The following DYNC1I1 variants were observed in gnomAD, a reference collection of about 807,000 sequenced individuals.
DYNC1I1 encodes the protein dynein cytoplasmic 1 intermediate chain 1, also known as cytoplasmic dynein 1 intermediate chain 1.
In DYNC1I1, 43 loss-of-function variants were observed where a neutral mutation model predicts 86.6. That is an observed-to-expected ratio of 0.50 (90% CI 0.39 to 0.64). DYNC1I1 has a LOEUF of 0.64. Among genes scored for constraint, DYNC1I1 ranks in the 30% least tolerant of loss-of-function variants. The probability of loss-of-function intolerance (pLI) is 0.00; values close to 1 mark genes in which losing one functional copy is unlikely to be tolerated. For synonymous variants in DYNC1I1, 262 were observed against 283.7 expected (o/e 0.92, Z 0.77); for missense variants, 604 against 788.8 (o/e 0.77, Z 2.81).
intron 10 of DYNC1I1, among the ~76,000 whole-genome samples, chr7:95,997,770 A>G (rs557201332): frequency 6.6e-6 from 1 of 152,290 alleles, no homozygotes; most frequent in South Asian, 2.1e-4. Context: ...GTAACAAGAT[A>G]GTCATACCAG....
At chr7:95,875,538 G>A (rs1383630628) in intron 6 of DYNC1I1, among the ~76,000 whole-genome samples, 2 of 152,120 alleles carry the variant, frequency 1.3e-5, no homozygotes, top group Non-Finnish European at 2.9e-5. Context: ...GGGTAGAAAT[G>A]CCCAAATTCA....
At chr7:96,100,657 T>TGTGTGTGTGC (rs1791121102), downstream of DYNC1I1, among the ~76,000 whole-genome samples, 1 of 150,754 alleles carries the variant, frequency 6.6e-6, no homozygotes, top group Non-Finnish European at 1.5e-5. Context: ...GTTTTGTGTG[T>TGTGTGTGTGC]GTGTGTGTGT....
chr7:95,951,089 A>G (rs956897766), intron 6 of DYNC1I1, among the ~76,000 whole-genome samples: 3 of 152,156 alleles, frequency 2.0e-5, no homozygotes, highest in Admixed American at 2.0e-4. Flanking sequence ...TCTTTTTACT[A>G]TTATCATTAT....
At chr7:96,066,612 T>C (rs1015997461) in intron 14 of DYNC1I1, among the ~76,000 whole-genome samples, 1 of 152,234 alleles carries the variant, frequency 6.6e-6, no homozygotes, top group African/African-American at 2.4e-5. Context: ...GTCTTAGTTA[T>C]CAGGAAATTT....
chr7:95,939,699 G>A (rs1336293982), intron 6 of DYNC1I1, among the ~76,000 whole-genome samples: 4 of 151,780 alleles, frequency 2.6e-5, no homozygotes, highest in South Asian at 4.2e-4. Flanking sequence ...GTCTCTGCAC[G>A]TGAGATGGGT....
intron 16 of DYNC1I1, among the ~76,000 whole-genome samples, chr7:96,094,197 C>G (rs924964895): frequency 1.3e-5 from 2 of 152,024 alleles, no homozygotes; most frequent in Middle Eastern, 3.2e-3. Flanking sequence ...ATCTTTAATT[C>G]AAACACAGTG....
chr7:96,002,017 T>C (rs1234825943), intron 10 of DYNC1I1, among the ~76,000 whole-genome samples: 1 of 152,230 alleles, frequency 6.6e-6, no homozygotes, highest in Non-Finnish European at 1.5e-5. Context: ...GATATATTCC[T>C]GAAGAAATTT....
intron 13 of DYNC1I1, among the ~76,000 whole-genome samples, chr7:96,037,199 G>A (rs1794945953): frequency 6.6e-6 from 1 of 152,150 alleles, no homozygotes; most frequent in Non-Finnish European, 1.5e-5. Context: ...GATGACTTAG[G>A]AAGATATGCC....
At chr7:95,884,630 A>G (rs1389792617) in intron 6 of DYNC1I1, among the ~76,000 whole-genome samples, 1 of 152,094 alleles carries the variant, frequency 6.6e-6, no homozygotes, top group Non-Finnish European at 1.5e-5. Flanking sequence ...AAAAGTTAAA[A>G]GGATAATAGA....
Position 95,898,369 on chromosome 7 carries a change from T to C in DYNC1I1, c.490+28371T>C, listed in dbSNP as rs185731465. Among the ~76,000 whole-genome samples the C allele has an allele frequency of 9.4e-4, 143 of 152,210 alleles. 1 individual carries two copies. The highest frequency in any genetic ancestry group is 2.8e-3 in the African/African-American group (115 of 41,462). The stretch of plus-strand genomic sequence containing the variant: ...AGTGAAGCATCTCAGAACAAGACTC[T>C]GATCTGTCCCTGGTTTAGATAACAT... On this transcript the variant is annotated intron_variant, in intron 6 of 16. Coordinates refer to ENST00000447467, the MANE Select transcript of DYNC1I1 (RefSeq NM_001135556.2).
chr7:95,835,822 T>A lies in DYNC1I1; in HGVS notation c.374+7706T>A, dbSNP rs1789071418. On this transcript the variant is annotated intron_variant, in intron 5 of 16. Coordinates refer to ENST00000447467, the MANE Select transcript of DYNC1I1 (RefSeq NM_001135556.2). Reference sequence around the variant, plus strand: ...CTGCCTTTTTTTGTTTTCCATTTGCTTGGTAGATCTTCCTCCATCCTTTTA... The same window carrying A: ...CTGCCTTTTTTTGTTTTCCATTTGCATGGTAGATCTTCCTCCATCCTTTTA... Among the ~76,000 whole-genome samples the A allele has an allele frequency of 2.6e-5, 4 of 152,184 alleles. No individual in the cohort carries two copies. The South Asian group carries it at 8.3e-4, about 32-fold the overall frequency.
In DYNC1I1 at chr7:95,980,536, CTTTTTTTTTTTT is replaced by C. The variant is rs56835338; in HGVS notation, c.580+2950_580+2961del. Among the ~76,000 whole-genome samples the C allele has an allele frequency of 4.4e-3, 239 of 54,444 alleles. 2 individuals are homozygous for C. In the Middle Eastern group the frequency reaches 0.047, roughly 11 times the overall value. 35.7% of individuals were successfully genotyped at this position (54,444 alleles called of 152,430 possible). On this transcript the variant is annotated intron_variant, in intron 7 of 16. Transcript: ENST00000447467. ...GGGAACACATTTTTGAGAAATCTGG[CTTTTTTTTTTTT>C]TTTTTTTTTTTTTTGGAGTGAAAAG...
At chr7:96,063,081 G>T (rs919741482) in intron 14 of DYNC1I1, among the ~76,000 whole-genome samples, 5 of 150,156 alleles carry the variant, frequency 3.3e-5, no homozygotes, top group Admixed American at 2.7e-4. Context: ...GAATATATGT[G>T]TATGTGTGTG....
intron 6 of DYNC1I1, among the ~76,000 whole-genome samples, chr7:95,947,851 C>T (rs543671840): frequency 2.0e-5 from 3 of 152,254 alleles, no homozygotes; most frequent in Admixed American, 2.0e-4. Flanking sequence ...GGTTATGTGG[C>T]TGAGAAGCTT....
intron 1 of DYNC1I1, among the ~76,000 whole-genome samples, chr7:95,781,175 T>C (rs191973698): frequency 1.2e-3 from 181 of 152,254 alleles, no homozygotes; most frequent in African/African-American, 3.9e-3. Flanking sequence ...AAACTAAATC[T>C]CCCAATGCAA....
intron 1 of DYNC1I1, among the ~76,000 whole-genome samples, chr7:95,796,810 G>A (rs548345242): frequency 4.5e-4 from 68 of 151,736 alleles, no homozygotes; most frequent in Admixed American, 3.2e-3. Flanking sequence ...AACCCCTAGG[G>A]GTTCCCCAGA....
intron 10 of DYNC1I1, among the ~76,000 whole-genome samples, chr7:96,026,280 C>T (rs1414369714): frequency 1.3e-5 from 2 of 152,138 alleles, no homozygotes; most frequent in Non-Finnish European, 2.9e-5. Flanking sequence ...ATTCTTTATT[C>T]TCCCTCAGAG....
intron 16 of DYNC1I1, among the ~76,000 whole-genome samples, chr7:96,082,493 T>G (rs999132806): frequency 1.3e-5 from 2 of 152,200 alleles, no homozygotes; most frequent in African/African-American, 4.8e-5. Context: ...CACTTAAGAT[T>G]GTATACAATA....
chr7:95,863,632 T>C (rs1188665623), intron 5 of DYNC1I1, among the ~76,000 whole-genome samples: 3 of 152,076 alleles, frequency 2.0e-5, no homozygotes, highest in Admixed American at 2.0e-4. Flanking sequence ...TATTTTTCCA[T>C]TTAAATTTTT....
Sources: gnomAD v4.1 joint callset for allele counts (sites outside exome capture counted in the v4.1 genomes callset) on GRCh38, gnomAD v4.1.1 for gene constraint, MANE v1.5 for transcripts, NCBI Gene and HGNC (gene_info 2026-07-23, HGNC 2026-07-21) for gene names.